SDK2: variants seen among roughly 807,000 people sequenced by gnomAD.
SDK2 encodes protein sidekick-2.
SDK2 carries 105 observed loss-of-function variants against 253.9 expected under a neutral mutation model. That is an observed-to-expected ratio of 0.41 (90% CI 0.35 to 0.49). The LOEUF (loss-of-function observed/expected upper bound fraction) is 0.49, where lower values mean the gene tolerates loss of function less well. Among genes scored for constraint, SDK2 ranks in the 20% least tolerant of loss-of-function variants. The pLI is 0.06. For missense variants in SDK2, 2,608 were observed against 3,003.0 expected (o/e 0.87, Z 3.07); for synonymous variants, 1,249 against 1,234.9 (o/e 1.01, Z -0.24).
intron 1 of SDK2, among the ~76,000 whole-genome samples, chr17:73,571,075 T>C (rs2045379376): frequency 6.6e-6 from 1 of 151,812 alleles, no homozygotes; most frequent in Non-Finnish European, 1.5e-5. Flanking sequence ...CTCGGGTTTT[T>C]TTTTTTTGAG....
At position 73,612,178 on chromosome 17, in the gene SDK2, A is replaced by G. The variant is rs949321663; in HGVS notation, c.64+31847T>C. On this transcript the variant is annotated intron_variant, in intron 1 of 44. Coordinates refer to ENST00000392650, the MANE Select transcript of SDK2 (RefSeq NM_001144952.2). The surrounding 1 kb of genome is among the most constrained non-coding windows in gnomAD (Gnocchi z 4.4). The stretch of plus-strand genomic sequence containing the variant: ...CCGCTGCAGCCTCTTCAAGCGAGGA[A>G]AGATAAATGCAAGTACACCACAGTG... Among the ~76,000 whole-genome samples the G allele has an allele frequency of 6.6e-6, 1 of 152,182 alleles. No individual in the cohort carries two copies. The highest frequency in any genetic ancestry group is 1.5e-5 in the Non-Finnish European group (1 of 68,026).
intron 18 of SDK2, among the ~76,000 whole-genome samples, chr17:73,411,148 A>G (rs1004403320): frequency 3.3e-5 from 5 of 151,990 alleles, no homozygotes; most frequent in African/African-American, 9.7e-5. Context: ...CTGCCCTGCA[A>G]AGCTCTGCTC....
At chr17:73,603,772 T>C (rs139017999) in intron 1 of SDK2, among the ~76,000 whole-genome samples, 313 of 152,324 alleles carry the variant, frequency 2.1e-3, no homozygotes, top group African/African-American at 7.0e-3. Context: ...ACACAGCTTG[T>C]GGGTGGCAAA....
chr17:73,423,297 G>C, intron 14 of SDK2, 89 bp downstream of exon 14: 2 of 1,231,130 alleles, frequency 1.6e-6, no homozygotes, highest in African/African-American at 3.1e-5. Context: ...CCAGAACTAG[G>C]AAGCAGGAGA....
intron 1 of SDK2, among the ~76,000 whole-genome samples, chr17:73,608,173 G>T (rs924674293): frequency 5.9e-5 from 9 of 152,030 alleles, no homozygotes; most frequent in Non-Finnish European, 1.3e-4. Context: ...TCTCAGATGT[G>T]CCTGGTGTTG....
rs1283707591 is a variant in SDK2 at position 73,435,154 on chromosome 17, C to T, written c.1195+296G>A. Reference sequence around the variant, plus strand: ...TAGTCGCAGTGCCAGAGCTGGTACCCGTGGTTGGTTTCATAGCTCCTTTTC... The same window carrying T: ...TAGTCGCAGTGCCAGAGCTGGTACCTGTGGTTGGTTTCATAGCTCCTTTTC... On this transcript the variant is annotated intron_variant, in intron 9 of 44. Coordinates refer to ENST00000392650, the MANE Select transcript of SDK2 (RefSeq NM_001144952.2). The surrounding 1 kb of genome is among the most constrained non-coding windows in gnomAD (Gnocchi z 5.7). Among the ~76,000 whole-genome samples the T allele has an allele frequency of 6.6e-6, 1 of 152,208 alleles. No individual in the cohort carries two copies. Among genetic ancestry groups the T allele is most frequent in the Non-Finnish European group, 1.5e-5 (1 of 68,032 alleles).
chr17:73,489,132 A>T (rs571379724), intron 2 of SDK2, among the ~76,000 whole-genome samples: 1 of 152,316 alleles, frequency 6.6e-6, no homozygotes, highest in South Asian at 2.1e-4. Context: ...GTCTCCATGT[A>T]CTGTGGTATC....
At chr17:73,538,275 A>G (rs939342733) in intron 1 of SDK2, among the ~76,000 whole-genome samples, 14 of 152,108 alleles carry the variant, frequency 9.2e-5, no homozygotes, top group Non-Finnish European at 5.9e-5. Context: ...CCCAGATAAA[A>G]ATCAGCTGAC....
chr17:73,500,438 A>C (rs1260015621), intron 2 of SDK2, among the ~76,000 whole-genome samples: 5 of 113,442 alleles, frequency 4.4e-5, no homozygotes, highest in Non-Finnish European at 5.4e-5. Context: ...TCCTCCATCC[A>C]TCCTCCCTCC....
At chr17:73,344,632 G>A (rs1293494989) in intron 44 of SDK2, among the ~76,000 whole-genome samples, 2 of 152,230 alleles carry the variant, frequency 1.3e-5, no homozygotes, top group African/African-American at 2.4e-5. Context: ...CACAGGGCTT[G>A]GCACACAGTA....
At chr17:73,587,043 C>T (rs1353678428) in intron 1 of SDK2, among the ~76,000 whole-genome samples, 1 of 152,148 alleles carries the variant, frequency 6.6e-6, no homozygotes, top group Non-Finnish European at 1.5e-5. Flanking sequence ...GTAAAGGGCT[C>T]GGTATGGTGC....
At chr17:73,466,722 C>CCG (rs1555584432) in intron 3 of SDK2, among the ~76,000 whole-genome samples, 4 of 145,902 alleles carry the variant, frequency 2.7e-5, no homozygotes, top group East Asian at 4.0e-4. Context: ...AACGCCCCCC[C>CCG]CCCCCGGCTT....
intron 1 of SDK2, among the ~76,000 whole-genome samples, chr17:73,527,744 T>C (rs1043657539): frequency 6.6e-6 from 1 of 152,194 alleles, no homozygotes; most frequent in Non-Finnish European, 1.5e-5. Flanking sequence ...TGGAGGCTGC[T>C]GCTGTAAGAC....
At chr17:73,401,564 T>A in intron 20 of SDK2, 90 bp downstream of exon 20, 1 of 1,247,510 alleles carries the variant, frequency 8.0e-7, no homozygotes, top group Non-Finnish European at 1.1e-6. Flanking sequence ...AGAGTTTGGG[T>A]GAAAAGTAGC....
At chr17:73,518,049 T>A (rs1225278243) in intron 1 of SDK2, 2 of 152,122 alleles carry the variant, frequency 1.3e-5, no homozygotes, top group East Asian at 3.9e-4. Flanking sequence ...GGCTCCCTCA[T>A]CTTCCTAGCC....
chr17:73,503,257 A>T (rs973090036), intron 2 of SDK2, among the ~76,000 whole-genome samples: 1 of 152,266 alleles, frequency 6.6e-6, no homozygotes, highest in Non-Finnish European at 1.5e-5. Flanking sequence ...AGGTACGTCC[A>T]TCCGAACAAA....
chr17:73,363,475 T>C (rs1400475813), intron 38 of SDK2, among the ~76,000 whole-genome samples: 1 of 152,178 alleles, frequency 6.6e-6, no homozygotes, highest in Non-Finnish European at 1.5e-5. Flanking sequence ...ACCTGCTCCT[T>C]GACAATTCTG....
In SDK2 at chr17:73,464,959, G is replaced by A. The variant is rs143289011; in HGVS notation, c.331+7153C>T. Among the ~76,000 whole-genome samples, 9 of 152,152 alleles carry A rather than the reference G, an allele frequency of 5.9e-5. 1 individual carries two copies. The highest frequency in any genetic ancestry group is 1.9e-4 in the African/African-American group (8 of 41,500). On this transcript the variant is annotated intron_variant, in intron 3 of 44. Transcript: ENST00000392650. The stretch of plus-strand genomic sequence containing the variant: ...GACGTGTGTCTTGGTTTTGTCTCTC[G>A]TTGTGTCCCCACTGCCTGGAACAGT...
chr17:73,418,850 G>A (rs1444112429), intron 16 of SDK2, among the ~76,000 whole-genome samples: 1 of 152,062 alleles, frequency 6.6e-6, no homozygotes, highest in Non-Finnish European at 1.5e-5. Flanking sequence ...GAATATTCGC[G>A]GCTTCCCAGA....
Sources: gnomAD v4.1 joint callset for allele counts (sites outside exome capture counted in the v4.1 genomes callset) on GRCh38, gnomAD v4.1.1 for gene constraint, Gnocchi (gnomAD v3.1) non-coding constraint, MANE v1.5 for transcripts, NCBI Gene and HGNC (gene_info 2026-07-23, HGNC 2026-07-21) for gene names.